The following MSI2 variants were observed in gnomAD, a reference collection of about 807,000 sequenced individuals.
MSI2 encodes musashi RNA binding protein 2.
Under a neutral mutation model 45.6 loss-of-function variants are expected in MSI2, and 17 were observed. The ratio of observed to expected loss-of-function variants is 0.37; its 90% confidence interval spans 0.26 to 0.56. The LOEUF is 0.56. MSI2 is among the 20% of genes least tolerant of loss of function. MSI2 has a pLI of 0.77. For missense variants in MSI2, 293 were observed against 444.2 expected (o/e 0.66, Z 3.06); for synonymous variants, 156 against 158.2 (o/e 0.99, Z 0.11).
intron 11 of MSI2, among the ~76,000 whole-genome samples, chr17:57,666,799 A>C (rs1423725825): frequency 6.6e-6 from 1 of 152,228 alleles, no homozygotes; most frequent in Non-Finnish European, 1.5e-5. Context: ...ACAGAGCAGC[A>C]ACATGAGAGG....
chr17:57,645,541 TAGTCATGCCTC>T (rs1235755102), intron 10 of MSI2, among the ~76,000 whole-genome samples: 1 of 151,722 alleles, frequency 6.6e-6, no homozygotes, highest in African/African-American at 2.4e-5. Flanking sequence ...GTTCAAGTGA[TAGTCATGCCTC>T]AGTCTCCTGA....
intron 7 of MSI2, among the ~76,000 whole-genome samples, chr17:57,568,376 G>A (rs1328809821): frequency 2.0e-5 from 3 of 152,198 alleles, no homozygotes; most frequent in African/African-American, 7.2e-5. Flanking sequence ...GAAGCCCCTA[G>A]GGAAAATACT....
the MSI2 span, among the ~76,000 whole-genome samples, chr17:57,700,773 C>T: frequency 6.6e-6 from 1 of 152,032 alleles, no homozygotes; most frequent in Non-Finnish European, 1.5e-5. Flanking sequence ...GTGGTGGCAG[C>T]TGCCTGTAAT....
At chr17:57,663,594 G>A (rs1598505168) in intron 11 of MSI2, among the ~76,000 whole-genome samples, 1 of 152,296 alleles carries the variant, frequency 6.6e-6, no homozygotes, top group East Asian at 1.9e-4. Context: ...GACTCAGGTG[G>A]AAAGGTGGCG....
chr17:57,638,717 C>G (rs1357883458), intron 10 of MSI2, among the ~76,000 whole-genome samples: 1 of 152,008 alleles, frequency 6.6e-6, no homozygotes, highest in Admixed American at 6.6e-5. Flanking sequence ...TAGTGAGACT[C>G]TGTCTCAACA....
At chr17:57,257,832 C>A (rs1906940331) in intron 3 of MSI2, among the ~76,000 whole-genome samples, 1 of 150,350 alleles carries the variant, frequency 6.7e-6, no homozygotes, top group Admixed American at 6.7e-5. Flanking sequence ...CATTTACTTT[C>A]GCATAGTTTT....
Position 57,529,603 on chromosome 17 carries a change from C to G in MSI2, c.406-73C>G. The G allele has an allele frequency of 7.1e-7, 1 of 1,404,716 alleles. No individual in the cohort carries two copies. The highest frequency in any genetic ancestry group is 1.0e-6 in the Non-Finnish European group (1 of 995,604). The allele number at this position is 1,404,716 out of a possible 1,614,324, so 87.0% of individuals were successfully genotyped here. A position where few individuals can be genotyped will look rare whatever the true frequency, so the allele number is the denominator to read the frequency against. The stretch of plus-strand genomic sequence containing the variant: ...TAATGGAAACTACCCCCTCACCCCC[C>G]GACATGCATATAATGTTTTGTGTAC... On this transcript the variant is annotated intron_variant, in intron 6 of 13. Transcript: ENST00000284073. The surrounding 1 kb of genome is among the most constrained non-coding windows in gnomAD (Gnocchi z 5.3).
chr17:57,659,785 G>C (rs900458578), intron 11 of MSI2, among the ~76,000 whole-genome samples: 4 of 152,196 alleles, frequency 2.6e-5, no homozygotes, highest in African/African-American at 9.7e-5. Flanking sequence ...AGTAGCCTCA[G>C]CTTCTAGCTC....
intron 5 of MSI2, among the ~76,000 whole-genome samples, chr17:57,387,562 T>G (rs149417537): frequency 8.5e-4 from 130 of 152,354 alleles, no homozygotes; most frequent in African/African-American, 3.1e-3. Flanking sequence ...ATAAAGACAC[T>G]GCCTTGTGTT....
intron 7 of MSI2, among the ~76,000 whole-genome samples, chr17:57,567,571 C>T (rs900087188): frequency 1.3e-5 from 2 of 152,248 alleles, no homozygotes; most frequent in African/African-American, 4.8e-5. Context: ...GTGCAGCTGC[C>T]TTAACCGGCA....
intron 7 of MSI2, among the ~76,000 whole-genome samples, chr17:57,584,685 A>G (rs955052807): frequency 2.6e-5 from 4 of 152,120 alleles, no homozygotes; most frequent in African/African-American, 4.8e-5. Context: ...GCGAGTGAGC[A>G]TCTTAAGAAG....
chr17:57,421,740 C>A lies in MSI2; in HGVS notation c.405+20269C>A, dbSNP rs117533777. Reference sequence around the variant, plus strand: ...CTGTACAAAAAATGTGCCTGTACTCCTAGCTACATGGGAGGCTAAAGCAGG... The same window carrying A: ...CTGTACAAAAAATGTGCCTGTACTCATAGCTACATGGGAGGCTAAAGCAGG... On this transcript the variant is annotated intron_variant, in intron 6 of 13. Transcript: ENST00000284073. Among the ~76,000 whole-genome samples the A allele has an allele frequency of 2.4e-4, 37 of 152,250 alleles. No homozygotes were observed. The East Asian group carries it at 5.8e-3, about 24-fold the overall frequency.
intron 8 of MSI2, among the ~76,000 whole-genome samples, chr17:57,612,793 C>G (rs1907295136): frequency 6.6e-6 from 1 of 152,170 alleles, no homozygotes; most frequent in East Asian, 1.9e-4. Flanking sequence ...TAGGAACAGG[C>G]AGCAGGTTTT....
At chr17:57,576,297 A>G (rs887370130) in intron 7 of MSI2, among the ~76,000 whole-genome samples, 13 of 152,214 alleles carry the variant, frequency 8.5e-5, no homozygotes, top group Non-Finnish European at 1.8e-4. Flanking sequence ...TGTGCTTCTC[A>G]CAGCCTTGAA....
At chr17:57,697,718 G>A in the MSI2 span, among the ~76,000 whole-genome samples, 1 of 152,178 alleles carries the variant, frequency 6.6e-6, no homozygotes, top group Non-Finnish European at 1.5e-5. Flanking sequence ...AAGGGAGAAT[G>A]AGAGCTAAGC....
chr17:57,256,856 A>C (rs1167523415), intron 1 of MSI2, 52 bp downstream of exon 1: 1 of 1,358,226 alleles, frequency 7.4e-7, no homozygotes, highest in Admixed American at 3.0e-5. Context: ...CTCTCCTTGC[A>C]GCGGCGGGGA....
rs543853252 is a variant in MSI2, at chr17:57,376,258, A to G, written c.313-25121A>G. Among the ~76,000 whole-genome samples the G allele has an allele frequency of 2.6e-5, 4 of 152,318 alleles. No homozygotes were observed. The East Asian group carries it at 7.7e-4, about 29-fold the overall frequency. ...TTGATCCCTGGAGAAAAGGTATACA[A>G]TACTTTGGAAATGTCCCATTTCATA... On this transcript the variant is annotated intron_variant, in intron 5 of 13. Transcript: ENST00000284073.
intron 6 of MSI2, among the ~76,000 whole-genome samples, chr17:57,516,592 T>C (rs2086474475): frequency 6.6e-6 from 1 of 152,230 alleles, no homozygotes; most frequent in African/African-American, 2.4e-5. Context: ...CAACAGATAT[T>C]TGTTGAGCAT....
chr17:57,286,218 AAAC>A (rs1909860642), intron 5 of MSI2, among the ~76,000 whole-genome samples: 1 of 152,084 alleles, frequency 6.6e-6, no homozygotes, highest in Non-Finnish European at 1.5e-5. Flanking sequence ...GACATTAAGG[AAAC>A]AACAAATAGT....
Sources: allele counts gnomAD v4.1 joint callset (sites outside exome capture counted in the v4.1 genomes callset), GRCh38; gene constraint gnomAD v4.1.1; non-coding constraint Gnocchi (gnomAD v3.1); transcripts MANE v1.5; gene names NCBI Gene and HGNC (gene_info 2026-07-23, HGNC 2026-07-21).